The following TBCK variants were observed in gnomAD, a reference collection of about 807,000 sequenced individuals.
TBCK encodes TBC1 domain containing kinase, also known as TBC domain-containing protein kinase-like protein.
TBCK carries 99 observed loss-of-function variants against 113.4 expected under a neutral mutation model. The observed-to-expected ratio is 0.87, with a 90% CI of 0.74 to 1.03. The LOEUF (loss-of-function observed/expected upper bound fraction) is 1.03, where lower values mean the gene tolerates loss of function less well. Ranked by LOEUF, TBCK falls within the 50% of genes least tolerant of loss-of-function variation. The pLI is 0.00. For missense variants in TBCK, 1,045 were observed against 1,061.3 expected, an observed-to-expected ratio of 0.98 and a Z score of 0.21; for synonymous variants, 369 against 370.8, an observed-to-expected ratio of 1.00 and a Z score of 0.05.
At chr4:106,136,391 C>G (rs1403209699) in intron 23 of TBCK, among the ~76,000 whole-genome samples, 1 of 141,178 alleles carries the variant, frequency 7.1e-6, no homozygotes, top group African/African-American at 2.5e-5. Context: ...AGGAGTAGTT[C>G]ATTTGGCCAG....
chr4:106,154,694 T>C (rs73838112), intron 23 of TBCK, among the ~76,000 whole-genome samples: 1,718 of 152,258 alleles, frequency 0.011, 31 homozygotes, highest in African/African-American at 0.039. Context: ...TGAGAAAAAT[T>C]TCCTTGAGGC....
At chr4:106,227,291 T>A (rs1320456195) in intron 19 of TBCK, among the ~76,000 whole-genome samples, 2 of 152,076 alleles carry the variant, frequency 1.3e-5, no homozygotes, top group Non-Finnish European at 2.9e-5. Context: ...AATTTGCTTG[T>A]AAACACAAAA....
chr4:106,074,151 G>C (rs1737875687), intron 25 of TBCK, among the ~76,000 whole-genome samples: 1 of 152,124 alleles, frequency 6.6e-6, no homozygotes, highest in Non-Finnish European at 1.5e-5. Flanking sequence ...AGATGAACCA[G>C]GTACCTCAGC....
At chr4:106,218,498 A>G (rs1189370088) in intron 19 of TBCK, among the ~76,000 whole-genome samples, 6 of 134,678 alleles carry the variant, frequency 4.5e-5, no homozygotes, top group Middle Eastern at 3.5e-3. Context: ...TCCAGAATCT[A>G]CAATGAACTC....
rs1206263874 is a variant in TBCK, at chr4:106,244,725, T to G, written c.971A>C (p.Glu324Ala). 6.3e-7 allele frequency: 1 copy of G among 1,599,568 alleles called. No homozygotes were observed. ...NDYLAERSIE[E>A]VYYLWCLAGG... is the part of the protein sequence containing the mutation. ...AGCCAAACACCAAAGGTAATACACT[T>G]CTTCAATAGATCTTTCTGCCAGGTA... Residue 324 changes from glutamate to alanine, a missense_variant, in exon 11 of 26, where the codon GAA (glutamate) becomes GCA (alanine). Physicochemically the swap from Glu to Ala is moderately radical, Grantham distance 107. Transcript: ENST00000394708.
At chr4:106,235,167 A>G (rs1394657442) in intron 15 of TBCK, 102 bp downstream of exon 15, 1 of 684,196 alleles carries the variant, frequency 1.5e-6, no homozygotes, top group East Asian at 3.1e-5. Flanking sequence ...TTTACTATAT[A>G]ATTTTCTAAT....
At chr4:106,097,829 G>GCAAA (rs989420308) in intron 24 of TBCK, among the ~76,000 whole-genome samples, 3 of 151,800 alleles carry the variant, frequency 2.0e-5, no homozygotes, top group Non-Finnish European at 2.9e-5. Flanking sequence ...TGGAAAATGA[G>GCAAA]CAAACAACAG....
chr4:106,130,394 A>G (rs565437396), intron 23 of TBCK, among the ~76,000 whole-genome samples: 1 of 152,300 alleles, frequency 6.6e-6, no homozygotes, highest in South Asian at 2.1e-4. Flanking sequence ...ATACACAATA[A>G]AAGAGGATAG....
At chr4:106,137,967 G>T (rs1746759832) in intron 23 of TBCK, among the ~76,000 whole-genome samples, 1 of 141,174 alleles carries the variant, frequency 7.1e-6, no homozygotes, top group East Asian at 2.0e-4. Context: ...GGAGTAGACA[G>T]TATTTGTACA....
chr4:106,064,118 C>T (rs1216275903), intron 25 of TBCK, among the ~76,000 whole-genome samples: 1 of 151,890 alleles, frequency 6.6e-6, no homozygotes, highest in Non-Finnish European at 1.5e-5. Context: ...CTATCATCTA[C>T]AGATCAAATA....
intron 25 of TBCK, among the ~76,000 whole-genome samples, chr4:106,051,264 G>A (rs1734778158): frequency 6.6e-6 from 1 of 151,830 alleles, no homozygotes; most frequent in Non-Finnish European, 1.5e-5. Flanking sequence ...AGAAAGTTTG[G>A]GGTTCTGGAA....
chr4:106,228,395 C>T (rs1381643607), intron 19 of TBCK, among the ~76,000 whole-genome samples: 1 of 151,278 alleles, frequency 6.6e-6, no homozygotes, highest in Non-Finnish European at 1.5e-5. Flanking sequence ...CTACCCTCCA[C>T]TACCCTTCCC....
chr4:106,212,096 C>T (rs1206393096), intron 20 of TBCK, among the ~76,000 whole-genome samples: 4 of 152,092 alleles, frequency 2.6e-5, no homozygotes. Flanking sequence ...CTACCACTTG[C>T]ATCCCCATCA....
At chr4:106,148,184 A>T (rs1748052042) in intron 23 of TBCK, among the ~76,000 whole-genome samples, 1 of 152,214 alleles carries the variant, frequency 6.6e-6, no homozygotes, top group Admixed American at 6.5e-5. Flanking sequence ...ATTTCACCCC[A>T]GTCCTGTGGT....
At chr4:106,283,619 T>C (rs72876592) in intron 3 of TBCK, among the ~76,000 whole-genome samples, 25,556 of 152,056 alleles carry the variant, frequency 0.17, 2,147 homozygotes, top group South Asian at 0.25. Flanking sequence ...AAACTAATTG[T>C]ACAATTTAGG....
chr4:106,046,441 C>A lies in TBCK; in HGVS notation c.*129G>T. ...TGGGTTATGAGATTTTAAAAAATGT[C>A]TCGTGACAAACTTTACGGAAATGCA... On this transcript the variant is annotated 3_prime_UTR_variant, in exon 26 of 26. Transcript: ENST00000394708. The A allele has an allele frequency of 1.8e-6, 1 of 563,580 alleles. No individual in the cohort carries two copies. Among genetic ancestry groups the A allele is most frequent in the Non-Finnish European group, 3.2e-6 (1 of 314,824 alleles). 34.9% of individuals were successfully genotyped at this position (563,580 alleles called of 1,614,324 possible).
chr4:106,112,935 G>A (rs748339012), intron 24 of TBCK, among the ~76,000 whole-genome samples: 10 of 152,096 alleles, frequency 6.6e-5, no homozygotes, highest in Non-Finnish European at 1.3e-4. Flanking sequence ...TCACAGGCAC[G>A]TTCCCTCCTT....
intron 23 of TBCK, among the ~76,000 whole-genome samples, chr4:106,138,391 TA>T (rs1207814151): frequency 1.4e-5 from 2 of 141,482 alleles, no homozygotes; most frequent in African/African-American, 5.0e-5. Flanking sequence ...AGACAAAAGT[TA>T]AAAACCAATA....
intron 4 of TBCK, 25 bp from the exon 5 acceptor site, chr4:106,260,535 C>T (rs1057451270): frequency 5.3e-6 from 4 of 754,658 alleles, no homozygotes; most frequent in Non-Finnish European, 7.8e-6. Flanking sequence ...AAAAAAAACA[C>T]TATCAAATAA....
Sources: gnomAD v4.1 joint callset for allele counts (sites outside exome capture counted in the v4.1 genomes callset) on GRCh38, gnomAD v4.1.1 for gene constraint, MANE v1.5 for transcripts, NCBI Gene and HGNC (gene_info 2026-07-23, HGNC 2026-07-21) for gene names.